LNPEP: variants seen among roughly 807,000 people sequenced by gnomAD.
LNPEP encodes leucyl and cystinyl aminopeptidase.
A neutral mutation model predicts 120.6 loss-of-function variants in LNPEP; 64 were observed. The ratio of observed to expected loss-of-function variants is 0.53; its 90% CI spans 0.43 to 0.65. The LOEUF (loss-of-function observed/expected upper bound fraction) is 0.65. LNPEP is among the 30% of genes least tolerant of loss of function. The pLI, the probability that LNPEP is intolerant of heterozygous loss-of-function variation, is 0.00. For synonymous variants in LNPEP, 435 were observed against 425.4 expected, an observed-to-expected ratio of 1.02 and a Z score of -0.28; for missense variants, 1,057 against 1,200.0, an observed-to-expected ratio of 0.88 and a Z score of 1.76.
chr5:97,026,950 G>T (rs1306888874), intron 16 of LNPEP, among the ~76,000 whole-genome samples, 193 bp downstream of exon 16: 1 of 152,186 alleles, frequency 6.6e-6, no homozygotes, highest in African/African-American at 2.4e-5. Flanking sequence ...TTTAACAGTA[G>T]CATTCCATCT....
intron 1 of LNPEP, among the ~76,000 whole-genome samples, chr5:96,955,655 C>T (rs1300183574): frequency 6.6e-6 from 1 of 152,156 alleles, no homozygotes; most frequent in Non-Finnish European, 1.5e-5. Context: ...AATAGTATTC[C>T]ACTGTACAGA....
chr5:96,973,906 T>TA (rs1789931504), intron 1 of LNPEP, among the ~76,000 whole-genome samples: 2 of 152,180 alleles, frequency 1.3e-5, no homozygotes, highest in Non-Finnish European at 2.9e-5. Context: ...ATCCCTCAAT[T>TA]GATGACTTGC....
chr5:96,985,232 C>G lies in LNPEP; in HGVS notation c.999+14C>G. On this transcript the variant is annotated intron_variant, in intron 3 of 17. Coordinates refer to ENST00000231368, the MANE Select transcript of LNPEP (RefSeq NM_005575.3). The stretch of plus-strand genomic sequence containing the variant: ...AATATGCCTAAGGTACTGTTCTGTT[C>G]CTTGAATGTAAAAATCTTTGAATGG... 1 of 1,586,684 alleles carries G rather than the reference C, an allele frequency of 6.3e-7. No homozygotes were observed. The highest frequency in any genetic ancestry group is 8.6e-7 in the Non-Finnish European group (1 of 1,167,086).
chr5:96,939,873 T>TA (rs71985131), intron 1 of LNPEP, among the ~76,000 whole-genome samples: 26 of 152,018 alleles, frequency 1.7e-4, no homozygotes, highest in African/African-American at 5.5e-4. Context: ...TGAGTCTTTT[T>TA]AAAAAAAAAT....
chr5:97,008,167 C>A (rs904120153), intron 11 of LNPEP, among the ~76,000 whole-genome samples: 2 of 152,000 alleles, frequency 1.3e-5, no homozygotes, highest in South Asian at 4.1e-4. Flanking sequence ...TATCCTGAAG[C>A]ACAGCTAAAA....
Position 97,022,306 on chromosome 5 carries a change from G to A in LNPEP, c.2383G>A (p.Val795Ile), listed in dbSNP as rs1791222118. 6.3e-7 allele frequency: 1 copy of A among 1,578,322 alleles called. No homozygotes were observed. Among genetic ancestry groups the A allele is most frequent in the Middle Eastern group, 1.7e-4 (1 of 5,982 alleles). Reference sequence around the variant, plus strand: ...ATCTATTTTGTCTCTCTAGACTAGGGTATTTAAATTACTTCAAAACCAAAT... The same window carrying A: ...ATCTATTTTGTCTCTCTAGACTAGGATATTTAAATTACTTCAAAACCAAAT... ...MDLASRLVTRVFKLLQNQIQQ... is the reference protein window; with the variant it reads ...MDLASRLVTRIFKLLQNQIQQ... Residue 795 changes from valine (V) to isoleucine (I), a missense_variant, in exon 14 of 18, where the codon GTA becomes ATA. Physicochemically the swap from Val to Ile is conservative, Grantham distance 29. Transcript: ENST00000231368.
chr5:96,983,984 T>G (rs1255074319), intron 2 of LNPEP, among the ~76,000 whole-genome samples: 1 of 152,178 alleles, frequency 6.6e-6, no homozygotes. Flanking sequence ...TAATCTTCCA[T>G]CAGAAACCTT....
chr5:96,941,948 T>A (rs1215976296), intron 1 of LNPEP, among the ~76,000 whole-genome samples: 1 of 152,152 alleles, frequency 6.6e-6, no homozygotes, highest in Admixed American at 6.5e-5. Context: ...AGAAATGAGC[T>A]TCAGTTGGAG....
intron 4 of LNPEP, among the ~76,000 whole-genome samples, chr5:96,989,293 T>TATATTATATATA (rs1561442897): frequency 6.5e-5 from 6 of 92,980 alleles, no homozygotes; most frequent in African/African-American, 2.0e-4. Flanking sequence ...ATATATAATT[T>TATATTATATATA]ATATATAATA....
At chr5:96,997,088 T>C (rs1177720999) in intron 7 of LNPEP, among the ~76,000 whole-genome samples, 2 of 152,066 alleles carry the variant, frequency 1.3e-5, no homozygotes, top group African/African-American at 2.4e-5. Flanking sequence ...ACTATGGTAT[T>C]AGACTCTTGG....
chr5:97,001,063 G>A (rs1790639194), intron 8 of LNPEP, among the ~76,000 whole-genome samples: 1 of 152,208 alleles, frequency 6.6e-6, no homozygotes. Context: ...TATTCTAAGT[G>A]AAACGAAAAG....
chr5:97,022,691 G>T (rs1169395308), intron 14 of LNPEP, among the ~76,000 whole-genome samples: 1 of 150,434 alleles, frequency 6.6e-6, no homozygotes, highest in Non-Finnish European at 1.5e-5. Context: ...CAATGTGCAG[G>T]TTAGTTACAT....
At position 96,985,277 on chromosome 5, in the gene LNPEP, C is replaced by T. The variant is rs1274428712; in HGVS notation, c.999+59C>T. On this transcript the variant is annotated intron_variant, in intron 3 of 17. Coordinates refer to ENST00000231368, the MANE Select transcript of LNPEP (RefSeq NM_005575.3). ...GAATGGGTCTCTTTCTTTAAGAACACTTAAATTCCTCTTTGCCAGACTACA... is the reference window on the plus strand; with the variant it reads ...GAATGGGTCTCTTTCTTTAAGAACATTTAAATTCCTCTTTGCCAGACTACA... 7.1e-6 allele frequency: 10 copies of T among 1,413,074 alleles called. No individual in the cohort carries two copies. The Admixed American group carries it at 2.1e-4, about 30-fold the overall frequency. 87.5% of individuals were successfully genotyped at this position (1,413,074 alleles called of 1,614,324 possible). A position where few individuals can be genotyped will look rare whatever the true frequency, so the allele number is the denominator to read the frequency against.
At chr5:96,952,897 C>CT (rs1183310193) in intron 1 of LNPEP, among the ~76,000 whole-genome samples, 2 of 151,624 alleles carry the variant, frequency 1.3e-5, no homozygotes, top group African/African-American at 4.8e-5. Flanking sequence ...AGTTCATTTA[C>CT]TTTTTTTTTC....
chr5:97,036,896 A>G lies in LNPEP; in HGVS notation c.*8363A>G, dbSNP rs1791581564. 6.6e-6 allele frequency: 1 copy of G among 152,182 alleles called. No individual in the cohort carries two copies. Among genetic ancestry groups the G allele is most frequent in the Non-Finnish European group, 1.5e-5 (1 of 68,024 alleles). The allele number at this position is 152,182 out of a possible 1,614,324, so 9.4% of individuals were successfully genotyped here. ...GAAAAAAGGGCACCTTTTTGGAGTTAGTCATGGTAGTCATTAGTGATATTT... is the reference window on the plus strand; with the variant it reads ...GAAAAAAGGGCACCTTTTTGGAGTTGGTCATGGTAGTCATTAGTGATATTT... On this transcript the variant is annotated 3_prime_UTR_variant, in exon 18 of 18. Transcript: ENST00000231368.
chr5:96,968,428 T>C (rs565959841), intron 1 of LNPEP, among the ~76,000 whole-genome samples: 1 of 152,220 alleles, frequency 6.6e-6, no homozygotes, highest in Admixed American at 6.6e-5. Context: ...TTTTCTTTGA[T>C]TGTCCAGGGA....
intron 1 of LNPEP, among the ~76,000 whole-genome samples, chr5:96,954,749 C>CACACATAT (rs1554066390): frequency 4.1e-5 from 1 of 24,214 alleles, no homozygotes; most frequent in African/African-American, 1.9e-4. Context: ...TATATATACA[C>CACACATAT]ATATATATAT....
chr5:97,023,918 C>T (rs1791275122), intron 14 of LNPEP, among the ~76,000 whole-genome samples: 1 of 152,080 alleles, frequency 6.6e-6, no homozygotes, highest in Admixed American at 6.6e-5. Context: ...AGGTGATAAA[C>T]AAGTCTCTTA....
chr5:96,969,283 A>G (rs1337057126), intron 1 of LNPEP, among the ~76,000 whole-genome samples: 3 of 151,324 alleles, frequency 2.0e-5, no homozygotes, highest in Non-Finnish European at 4.4e-5. Flanking sequence ...TGATGAGCTC[A>G]TAAGAAGTTT....
Sources: allele counts gnomAD v4.1 joint callset (sites outside exome capture counted in the v4.1 genomes callset), GRCh38; gene constraint gnomAD v4.1.1; transcripts MANE v1.5; gene names NCBI Gene and HGNC (gene_info 2026-07-23, HGNC 2026-07-21).